The following ZNF273 variants were observed in gnomAD, a reference collection of about 807,000 sequenced individuals.
ZNF273 encodes the protein zinc finger protein 273, also known as zinc finger protein 9.
In ZNF273, 11 loss-of-function variants were observed where a neutral mutation model predicts 14.9. That is an observed-to-expected ratio of 0.74 (90% CI 0.46 to 1.22). The LOEUF is 1.22. Ranked by LOEUF, ZNF273 falls within the 50% of genes most tolerant of loss-of-function variation. ZNF273 has a pLI of 0.00. For synonymous variants in ZNF273, 199 were observed against 223.9 expected, an observed-to-expected ratio of 0.89 and a Z score of 0.99; for missense variants, 577 against 660.6, an observed-to-expected ratio of 0.87 and a Z score of 1.39.
At chr7:64,932,206 ATTGTTT>A (rs1391670491), downstream of ZNF273, among the ~76,000 whole-genome samples, 1 of 124,360 alleles carries the variant, frequency 8.0e-6, no homozygotes, top group Non-Finnish European at 1.6e-5. Context: ...ATCACTTAGC[ATTGTTT>A]TTAACTGTTT....
intron 1 of ZNF273, among the ~76,000 whole-genome samples, chr7:64,912,623 T>G (rs953463443): frequency 6.6e-6 from 1 of 152,092 alleles, no homozygotes; most frequent in East Asian, 1.9e-4. Context: ...GAGACCTGGC[T>G]GTTGTAGGAG....
intron 3 of ZNF273, among the ~76,000 whole-genome samples, chr7:64,896,331 G>C: frequency 6.6e-6 from 1 of 152,026 alleles, no homozygotes; most frequent in Non-Finnish European, 1.5e-5. Flanking sequence ...AAATATATTT[G>C]GTTCCGCAAA....
intron 1 of ZNF273, among the ~76,000 whole-genome samples, chr7:64,916,542 C>CAAAAAAAAAAAAAA (rs10712527): frequency 1.2e-5 from 1 of 84,378 alleles, no homozygotes; most frequent in Non-Finnish European, 2.2e-5. Flanking sequence ...AAAACTGTCT[C>CAAAAAAAAAAAAAA]AAAAAAAAAA....
At chr7:64,881,270 GCCT>G, downstream of ZNF273, among the ~76,000 whole-genome samples, 1 of 152,310 alleles carries the variant, frequency 6.6e-6, no homozygotes, top group Non-Finnish European at 1.5e-5. Flanking sequence ...CGGCACACCA[GCCT>G]CCTCTTTTCC....
chr7:64,928,132 C>A lies in ZNF273; in HGVS notation c.804C>A (p.Gly268=). ...ATCCCTACAAATGTGAAGAATGTGGCAAAGCCTTTAACCAGTCCTTAACTC... is the reference window on the plus strand; with the variant it reads ...ATCCCTACAAATGTGAAGAATGTGGAAAAGCCTTTAACCAGTCCTTAACTC... The part of the protein sequence containing the change: ...EVNPYKCEEC[G]KAFNQSLTLT... Residue 268 remains glycine, a synonymous_variant, in exon 4 of 4, where the codon GGC becomes GGA. Coordinates refer to ENST00000476120, the MANE Select transcript of ZNF273 (RefSeq NM_021148.3). The A allele has an allele frequency of 1.9e-6, 3 of 1,613,450 alleles. No homozygotes were observed. The highest frequency in any genetic ancestry group is 2.5e-6 in the Non-Finnish European group (3 of 1,179,766).
At chr7:64,927,576 A>G (rs892093921) in intron 3 of ZNF273, 78 bp from the exon 4 acceptor site, 2 of 1,281,938 alleles carry the variant, frequency 1.6e-6, no homozygotes, top group South Asian at 1.5e-5. Flanking sequence ...TAGTTTGTAT[A>G]TTTTTATAGG....
intron 3 of ZNF273, among the ~76,000 whole-genome samples, chr7:64,922,972 A>G (rs569530435): frequency 1.5e-4 from 22 of 148,676 alleles, no homozygotes; most frequent in Admixed American, 3.3e-4. Flanking sequence ...TCTCAAAATT[A>G]AAAAAAAAGA....
downstream of ZNF273, among the ~76,000 whole-genome samples, chr7:64,892,461 G>C (rs1483556741): frequency 6.6e-6 from 1 of 152,208 alleles, no homozygotes; most frequent in Non-Finnish European, 1.5e-5. Flanking sequence ...GGCATCCTCT[G>C]TCTTCCCCAG....
At chr7:64,882,555 G>C (rs1300249319), downstream of ZNF273, 1 of 152,262 alleles carries the variant, frequency 6.6e-6, no homozygotes, top group South Asian at 2.1e-4. Context: ...CACAGTGAAC[G>C]CCTTCGTTGC....
downstream of ZNF273, among the ~76,000 whole-genome samples, chr7:64,935,811 T>TA (rs1243857855): frequency 6.6e-6 from 1 of 152,142 alleles, no homozygotes; most frequent in Non-Finnish European, 1.5e-5. Context: ...GGTGAATGCA[T>TA]AAACAGTTAT....
chr7:64,900,364 G>A (rs962649174), upstream of ZNF273, among the ~76,000 whole-genome samples: 1 of 152,152 alleles, frequency 6.6e-6, no homozygotes, highest in African/African-American at 2.4e-5. Context: ...GGGCTCAAGT[G>A]ATCCATCCAC....
At chr7:64,923,289 CTGAG>C (rs1794596768) in intron 3 of ZNF273, 1 of 450,476 alleles carries the variant, frequency 2.2e-6, no homozygotes, top group South Asian at 1.6e-5. Flanking sequence ...TTTTTGAAAA[CTGAG>C]TGACAGTCCA....
intron 1 of ZNF273, among the ~76,000 whole-genome samples, chr7:64,908,459 TTTTG>T (rs929264440): frequency 1.3e-5 from 2 of 152,130 alleles, no homozygotes; most frequent in African/African-American, 2.4e-5. Context: ...GTCCATGTGT[TTTTG>T]TTTGTTTGTT....
intron 3 of ZNF273, among the ~76,000 whole-genome samples, chr7:64,920,764 G>A (rs536750964): frequency 6.6e-6 from 1 of 152,082 alleles, no homozygotes; most frequent in African/African-American, 2.4e-5. Flanking sequence ...TTCTTTAAAG[G>A]CACTTATTTT....
At chr7:64,902,710 A>C (rs1338092372), upstream of ZNF273, among the ~76,000 whole-genome samples, 2 of 124,956 alleles carry the variant, frequency 1.6e-5, no homozygotes, top group African/African-American at 5.8e-5. Flanking sequence ...ACTCCGAAAG[A>C]GACAGAGAGA....
At chr7:64,890,187 G>GGGGGGTGTGTGTGT (rs1791892507), downstream of ZNF273, 1 of 24,920 alleles carries the variant, frequency 4.0e-5, no homozygotes, top group East Asian at 1.1e-3. Context: ...AAGCAGGTTA[G>GGGGGGTGTGTGTGT]GGGTGTGTGT....
chr7:64,878,363 T>C (rs937511548), intron 1 of ZNF273: 2 of 152,368 alleles, frequency 1.3e-5, no homozygotes, highest in Non-Finnish European at 1.5e-5. Flanking sequence ...GGCCAAAGCA[T>C]AGGAGTCCTG....
intron 1 of ZNF273, among the ~76,000 whole-genome samples, chr7:64,905,259 G>T (rs1793019815): frequency 6.6e-6 from 1 of 151,596 alleles, no homozygotes; most frequent in Non-Finnish European, 1.5e-5. Flanking sequence ...GGGATTACAA[G>T]TGCACGCCGA....
rs770981927 is a variant in ZNF273, at chr7:64,917,010, G to C, written c.103-571G>C. 2.4e-6 allele frequency: 3 copies of C among 1,268,568 alleles called. No individual in the cohort carries two copies. In the South Asian group the frequency reaches 3.9e-5, roughly 17 times the overall value. The allele number at this position is 1,268,568 out of a possible 1,614,324, so 78.6% of individuals were successfully genotyped here. On this transcript the variant is annotated intron_variant, in intron 1 of 3. Transcript: ENST00000476120. The stretch of plus-strand genomic sequence containing the variant: ...ATATATTTGTCTTTGGAAAATAAAG[G>C]CTCTCATCTTTGTTTACAGGCCAGA...
Sources: gnomAD v4.1 joint callset for allele counts (sites outside exome capture counted in the v4.1 genomes callset) on GRCh38, gnomAD v4.1.1 for gene constraint, MANE v1.5 for transcripts, NCBI Gene and HGNC (gene_info 2026-07-23, HGNC 2026-07-21) for gene names.